The following ERC2 variants were observed in gnomAD, a reference collection of about 807,000 sequenced individuals.
The protein encoded by ERC2 is ERC protein 2.
A neutral mutation model predicts 114.8 loss-of-function variants in ERC2; 42 were observed. That is an observed-to-expected ratio of 0.37 (90% CI 0.29 to 0.47). The LOEUF (loss-of-function observed/expected upper bound fraction) is 0.47. Ranked by LOEUF, ERC2 falls within the 20% of genes least tolerant of loss-of-function variation. The pLI, the probability that ERC2 is intolerant of heterozygous loss-of-function variation, is 0.99. For synonymous variants in ERC2, 454 were observed against 425.5 expected (o/e 1.07, Z -0.82); for missense variants, 939 against 1,150.7 (o/e 0.82, Z 2.66).
intron 13 of ERC2, among the ~76,000 whole-genome samples, chr3:55,912,496 G>A (rs962807499): frequency 2.0e-5 from 3 of 152,194 alleles, no homozygotes; most frequent in Non-Finnish European, 2.9e-5. Context: ...ATGTATGTGT[G>A]TGCATGTGTA....
chr3:55,625,508 T>C (rs961126808), intron 17 of ERC2, among the ~76,000 whole-genome samples: 5 of 151,462 alleles, frequency 3.3e-5, no homozygotes, highest in Admixed American at 2.0e-4. Context: ...TCCCAGCACT[T>C]TGGGAGGCCG....
intron 2 of ERC2, among the ~76,000 whole-genome samples, chr3:56,330,922 C>T (rs4269056): frequency 0.02 from 2,982 of 152,152 alleles, 104 homozygotes; most frequent in East Asian, 0.16. Flanking sequence ...AGGTACTGTT[C>T]GGTCCGTTTT....
intron 13 of ERC2, among the ~76,000 whole-genome samples, chr3:55,933,238 A>C (rs1403558104): frequency 6.6e-6 from 1 of 152,050 alleles, no homozygotes; most frequent in Non-Finnish European, 1.5e-5. Context: ...AGAATAAAGA[A>C]AGTAACCATG....
intron 17 of ERC2, among the ~76,000 whole-genome samples, chr3:55,547,049 G>A (rs764431956): frequency 6.6e-6 from 1 of 152,208 alleles, no homozygotes; most frequent in Non-Finnish European, 1.5e-5. Flanking sequence ...CCTTTCTTTC[G>A]TTTGCTGGCT....
intron 4 of ERC2, among the ~76,000 whole-genome samples, chr3:56,150,045 C>T (rs967013113): frequency 2.0e-5 from 3 of 152,186 alleles, no homozygotes; most frequent in African/African-American, 4.8e-5. Flanking sequence ...GAAAGTTTGA[C>T]ACATCGAAAA....
chr3:55,772,305 G>T (rs1168229695), intron 14 of ERC2, among the ~76,000 whole-genome samples: 4 of 151,274 alleles, frequency 2.6e-5, no homozygotes, highest in Admixed American at 2.6e-4. Flanking sequence ...ACCACGCCTG[G>T]CTACTTTTTG....
At chr3:55,836,949 T>C (rs2060916973) in intron 14 of ERC2, among the ~76,000 whole-genome samples, 1 of 152,208 alleles carries the variant, frequency 6.6e-6, no homozygotes, top group South Asian at 2.1e-4. Context: ...GCGAAGGATA[T>C]GAACAGACAT....
chr3:55,671,741 C>A (rs1415590599), intron 17 of ERC2, among the ~76,000 whole-genome samples: 6 of 152,180 alleles, frequency 3.9e-5, no homozygotes, highest in African/African-American at 1.4e-4. Context: ...GTGTTAACCA[C>A]CTCAGTCAGT....
Position 55,966,895 on chromosome 3 carries a change from C to G in ERC2, c.2268-16335G>C, listed in dbSNP as rs150624662. 4.5e-3 allele frequency among the ~76,000 whole-genome samples: 680 copies of G among 152,234 alleles called. 5 individuals carry two copies. The highest frequency in any genetic ancestry group is 0.015 in the African/African-American group (643 of 41,542). ...AACTCAGTAAATACCCATTTTTTCC[C>G]ATCAGAGGACAAACACACAATCACA... On this transcript the variant is annotated intron_variant, in intron 12 of 17. Coordinates refer to ENST00000288221, the MANE Select transcript of ERC2 (RefSeq NM_015576.3).
At chr3:55,691,541 A>G (rs2062640211) in intron 16 of ERC2, among the ~76,000 whole-genome samples, 1 of 61,922 alleles carries the variant, frequency 1.6e-5, no homozygotes, top group Non-Finnish European at 3.1e-5. Context: ...TAGATTTGCA[A>G]TGCAAAAAAA....
intron 14 of ERC2, among the ~76,000 whole-genome samples, chr3:55,765,310 A>G (rs2067700171): frequency 6.6e-6 from 1 of 152,236 alleles, no homozygotes; most frequent in Non-Finnish European, 1.5e-5. Flanking sequence ...CCAAGACCCA[A>G]GAATGATCTG....
At chr3:56,411,613 C>G (rs1461178386) in intron 2 of ERC2, among the ~76,000 whole-genome samples, 1 of 152,122 alleles carries the variant, frequency 6.6e-6, no homozygotes, top group Non-Finnish European at 1.5e-5. Context: ...TAGCAGCTAA[C>G]ACTTACATAG....
chr3:56,041,748 C>T lies in ERC2; in HGVS notation c.1642-22717G>A, dbSNP rs376210285. 2.6e-5 allele frequency among the ~76,000 whole-genome samples: 4 copies of T among 152,198 alleles called. No individual in the cohort carries two copies. The East Asian group carries it at 5.8e-4, about 22-fold the overall frequency. ...AAAGTCAGGAAACTCACCATGATGCCGTTCTTCAAGTCCTCAGGTCCCTAG... is the reference window on the plus strand; with the variant it reads ...AAAGTCAGGAAACTCACCATGATGCTGTTCTTCAAGTCCTCAGGTCCCTAG... On this transcript the variant is annotated intron_variant, in intron 7 of 17. Coordinates refer to ENST00000288221, the MANE Select transcript of ERC2 (RefSeq NM_015576.3).
chr3:55,524,102 C>G (rs1315800238), intron 17 of ERC2, among the ~76,000 whole-genome samples: 2 of 152,280 alleles, frequency 1.3e-5, no homozygotes, highest in East Asian at 1.9e-4. Context: ...AAAATGAACT[C>G]TGCCTATAAA....
intron 3 of ERC2, among the ~76,000 whole-genome samples, chr3:56,207,267 A>G (rs1273106303): frequency 6.6e-6 from 1 of 152,176 alleles, no homozygotes; most frequent in East Asian, 1.9e-4. Flanking sequence ...TTACAAAAGT[A>G]ACATGATTTT....
intron 15 of ERC2, among the ~76,000 whole-genome samples, chr3:55,729,834 T>C (rs1383566057): frequency 1.5e-4 from 1 of 6,472 alleles, no homozygotes; most frequent in Non-Finnish European, 2.4e-4. Flanking sequence ...TGAGACTCTA[T>C]CGCAAAAAAA....
intron 7 of ERC2, among the ~76,000 whole-genome samples, chr3:56,032,897 G>A (rs147615896): frequency 0.034 from 2,198 of 64,896 alleles, 82 homozygotes; most frequent in Admixed American, 0.05. Context: ...GAGAGAGAGA[G>A]AGACAGAAAG....
chr3:55,677,472 TG>T (rs2061864912), intron 17 of ERC2, among the ~76,000 whole-genome samples: 1 of 152,174 alleles, frequency 6.6e-6, no homozygotes, highest in African/African-American at 2.4e-5. Flanking sequence ...TACACTTTCC[TG>T]AGCCCAGAAG....
At chr3:55,617,783 C>T (rs956230267) in intron 17 of ERC2, among the ~76,000 whole-genome samples, 19 of 152,178 alleles carry the variant, frequency 1.2e-4, no homozygotes, top group African/African-American at 4.3e-4. Flanking sequence ...ACATTCAAAA[C>T]GTATGACCAG....
Sources: gnomAD v4.1 joint callset for allele counts (sites outside exome capture counted in the v4.1 genomes callset) on GRCh38, gnomAD v4.1.1 for gene constraint, MANE v1.5 for transcripts, NCBI Gene and HGNC (gene_info 2026-07-23, HGNC 2026-07-21) for gene names.